The following MGAM2 variants were observed in gnomAD, a reference collection of about 807,000 sequenced individuals.
MGAM2 encodes maltase-glucoamylase 2 (putative).
Under a neutral mutation model 96.1 loss-of-function variants are expected in MGAM2, and 98 were observed. That is an observed-to-expected ratio of 1.02 (90% CI 0.87 to 1.21). The LOEUF is 1.21. MGAM2 is among the 50% of genes most tolerant of loss of function. The pLI, the probability that MGAM2 is intolerant of heterozygous loss-of-function variation, is 0.00. For missense variants in MGAM2, 2,055 were observed against 1,182.4 expected (o/e 1.74, Z -10.82); for synonymous variants, 749 against 414.8 (o/e 1.81, Z -9.79).
rs1298565960 is a variant in MGAM2 at position 142,159,357 on chromosome 7, C to T, written c.2220+14C>T. 1 of 702,124 alleles carries T rather than the reference C, an allele frequency of 1.4e-6. No homozygotes were observed. The highest frequency in any genetic ancestry group is 2.0e-5 in the Admixed American group (1 of 49,996). The allele number at this position is 702,124 out of a possible 1,614,324, so 43.5% of individuals were successfully genotyped here. ...GACTATGAGACAGTAAGTAAGGCAG[C>T]CCTGGTTGGCTCACAGACCTGCCTC... On this transcript the variant is annotated intron_variant, in intron 20 of 47. Transcript: ENST00000477922.
intron 4 of MGAM2, 118 bp downstream of exon 4, chr7:142,131,189 C>A: frequency 1.6e-6 from 1 of 630,616 alleles, no homozygotes; most frequent in South Asian, 1.8e-5. Context: ...TCTGTAATCC[C>A]AGCACTTCGA....
rs559628362 is a variant in MGAM2 at position 142,144,921 on chromosome 7, T to C, written c.1492T>C (p.Leu498=). The stretch of plus-strand genomic sequence containing the variant: ...TAATAACCAGTGTGAATCCAACAAC[T>C]TGAACTTTCCTCCTTTTCTTCCTAG... ...ASNNQCESNN[L]NFPPFLPRVL... Residue 498 remains leucine, a synonymous_variant, in exon 14 of 48, where the codon TTG becomes CTG. Transcript: ENST00000477922. The C allele has an allele frequency of 9.6e-4, 678 of 702,730 alleles. 1 individual carries two copies. Among genetic ancestry groups the C allele is most frequent in the Non-Finnish European group, 1.4e-3 (535 of 384,914 alleles). 43.5% of individuals were successfully genotyped at this position (702,730 alleles called of 1,614,324 possible). A position where few individuals can be genotyped will look rare whatever the true frequency, so the allele number is the denominator to read the frequency against.
intron 47 of MGAM2, 140 bp downstream of exon 47, chr7:142,218,671 A>G (rs1797835614): frequency 1.7e-6 from 1 of 577,202 alleles, no homozygotes; most frequent in East Asian, 2.8e-5. Context: ...TGCAATAGAT[A>G]TGTTCCTGAA....
chr7:142,194,137 A>G (rs2129099015), intron 37 of MGAM2, among the ~76,000 whole-genome samples: 1 of 151,852 alleles, frequency 6.6e-6, no homozygotes, highest in Admixed American at 6.6e-5. Context: ...GGTTCAAGCA[A>G]TTCTCCTGCC....
chr7:142,146,111 A>AT (rs1795373837), intron 14 of MGAM2, among the ~76,000 whole-genome samples: 1 of 112,012 alleles, frequency 8.9e-6, no homozygotes, highest in Non-Finnish European at 1.9e-5. Context: ...GGATTCCCCC[A>AT]TTTTTTTTCC....
chr7:142,198,599 G>A lies in MGAM2; in HGVS notation c.4924-16G>A, dbSNP rs1003414258. On this transcript the variant is annotated splice_polypyrimidine_tract_variant and intron_variant, in intron 43 of 47. Coordinates refer to ENST00000477922, the MANE Select transcript of MGAM2 (RefSeq NM_001293626.2). ...ATTTATCTCTCGCCATTTTTTGCCTGTATTCTCCTTTCTAGGGAACTAGCA... is the reference window on the plus strand; with the variant it reads ...ATTTATCTCTCGCCATTTTTTGCCTATATTCTCCTTTCTAGGGAACTAGCA... The A allele has an allele frequency of 1.0e-5, 7 of 698,126 alleles. No individual in the cohort carries two copies. The highest frequency in any genetic ancestry group is 6.1e-5 in the Admixed American group (3 of 48,974). The allele number at this position is 698,126 out of a possible 1,614,324, so 43.2% of individuals were successfully genotyped here. A position where few individuals can be genotyped will look rare whatever the true frequency, so the allele number is the denominator to read the frequency against.
intron 26 of MGAM2, among the ~76,000 whole-genome samples, chr7:142,169,165 T>A (rs954599960): frequency 1.3e-5 from 2 of 152,194 alleles, no homozygotes; most frequent in African/African-American, 4.8e-5. Flanking sequence ...GTGTGGTGGC[T>A]CACACCTGTA....
At chr7:142,208,154 C>T in intron 45 of MGAM2, 1 of 459,646 alleles carries the variant, frequency 2.2e-6, no homozygotes, top group African/African-American at 2.0e-5. Context: ...GTTGGGATTT[C>T]AACCCATGTC....
chr7:142,129,042 A>G (rs564688487), intron 3 of MGAM2, among the ~76,000 whole-genome samples: 1 of 152,362 alleles, frequency 6.6e-6, no homozygotes, highest in East Asian at 1.9e-4. Flanking sequence ...AGAGCCACAG[A>G]GGCAGAGCTG....
chr7:142,138,807 T>G, intron 10 of MGAM2, 140 bp downstream of exon 10: 1 of 596,564 alleles, frequency 1.7e-6, no homozygotes, highest in Non-Finnish European at 3.0e-6. Context: ...AATTTGCATG[T>G]TAAGTTATGT....
intron 3 of MGAM2, among the ~76,000 whole-genome samples, chr7:142,125,246 C>T (rs888996051): frequency 5.3e-5 from 8 of 152,136 alleles, no homozygotes; most frequent in Non-Finnish European, 1.0e-4. Context: ...ATATCATTTA[C>T]AGATTTTCAG....
chr7:142,125,636 A>G (rs998693126), intron 3 of MGAM2, among the ~76,000 whole-genome samples: 1 of 152,162 alleles, frequency 6.6e-6, no homozygotes, highest in African/African-American at 2.4e-5. Flanking sequence ...TAATAAGTAT[A>G]TTTAAAAAGA....
intron 46 of MGAM2, among the ~76,000 whole-genome samples, chr7:142,211,735 C>T (rs761862865): frequency 1.6e-4 from 25 of 152,114 alleles, no homozygotes; most frequent in South Asian, 4.1e-4. Context: ...CTGAAAGTGA[C>T]GAGGAGAATG....
At chr7:142,176,926 A>T (rs1341579492) in intron 32 of MGAM2, among the ~76,000 whole-genome samples, 1 of 152,198 alleles carries the variant, frequency 6.6e-6, no homozygotes, top group African/African-American at 2.4e-5. Flanking sequence ...CATTGGAAAA[A>T]ATCACTTATG....
intron 3 of MGAM2, among the ~76,000 whole-genome samples, chr7:142,125,356 AG>A: frequency 6.6e-6 from 1 of 152,300 alleles, no homozygotes; most frequent in East Asian, 1.9e-4. Context: ...AAACTGAAGT[AG>A]GGATGTTAGA....
chr7:142,190,267 C>CTTTTTTTT (rs58228482), intron 37 of MGAM2, among the ~76,000 whole-genome samples: 82 of 104,206 alleles, frequency 7.9e-4, no homozygotes, highest in Non-Finnish European at 1.0e-3. Flanking sequence ...TACCATTTTA[C>CTTTTTTTT]TTTTTTTTTT....
At chr7:142,166,070 T>C in intron 24 of MGAM2, 28 bp from the exon 25 acceptor site, 1 of 657,184 alleles carries the variant, frequency 1.5e-6, no homozygotes, top group Non-Finnish European at 2.8e-6. Context: ...CTCCCTTCCT[T>C]TGTCACTGTG....
Position 142,196,232 on chromosome 7 carries a change from A to T in MGAM2, c.4425A>T (p.Gly1475=). The change falls in exon 38 of 48, where the codon GGA becomes GGT. Residue 1475 remains glycine (G), a synonymous_variant. Coordinates refer to ENST00000477922, the MANE Select transcript of MGAM2 (RefSeq NM_001293626.2). ...STFPSSGRWG[G]HRLGNNTAAW... ...TTCCCTCTTCTGGACGCTGGGGAGG[A>T]CACCGGTTGGGAAACAACACAGCTG... 1 of 995,614 alleles carries T rather than the reference A, an allele frequency of 1.0e-6. No homozygotes were observed. The highest frequency in any genetic ancestry group is 1.6e-6 in the Non-Finnish European group (1 of 638,422). The allele number at this position is 995,614 out of a possible 1,614,324, so 61.7% of individuals were successfully genotyped here.
chr7:142,157,487 G>T (rs1795768147), intron 17 of MGAM2, among the ~76,000 whole-genome samples: 1 of 151,734 alleles, frequency 6.6e-6, no homozygotes, highest in Admixed American at 6.6e-5. Context: ...CAACTCCCTG[G>T]TTCAAGCAAT....
Sources: allele counts gnomAD v4.1 joint callset (sites outside exome capture counted in the v4.1 genomes callset), GRCh38; gene constraint gnomAD v4.1.1; transcripts MANE v1.5; gene names NCBI Gene and HGNC (gene_info 2026-07-23, HGNC 2026-07-21).